The following WWOX variants were observed in gnomAD, a reference collection of about 807,000 sequenced individuals.
WWOX encodes the protein WW domain-containing oxidoreductase.
WWOX carries 69 observed loss-of-function variants against 46.2 expected under a neutral mutation model. That is an observed-to-expected ratio of 1.49 (90% confidence interval 1.23 to 1.82). WWOX has a LOEUF of 1.82. Ranked by LOEUF, WWOX falls within the 40% of genes most tolerant of loss-of-function variation. WWOX has a pLI of 0.00. For synonymous variants in WWOX, 359 were observed against 202.6 expected (o/e 1.77, Z -6.56); for missense variants, 919 against 542.6 (o/e 1.69, Z -6.89).
At chr16:78,454,431 A>T (rs12051377) in intron 8 of WWOX, among the ~76,000 whole-genome samples, 18,174 of 151,908 alleles carry the variant, frequency 0.12, 1,693 homozygotes, top group African/African-American at 0.25. Context: ...TTACAAAATG[A>T]TACTTTTATC....
intron 8 of WWOX, among the ~76,000 whole-genome samples, chr16:78,684,870 C>T (rs2047818864): frequency 6.6e-6 from 1 of 152,192 alleles, no homozygotes; most frequent in South Asian, 2.1e-4. Context: ...TAATTCATCA[C>T]TCCTTTTATA....
At chr16:78,623,829 T>A (rs548243369) in intron 8 of WWOX, among the ~76,000 whole-genome samples, 2 of 152,274 alleles carry the variant, frequency 1.3e-5, no homozygotes, top group Non-Finnish European at 2.9e-5. Context: ...CATACATTAC[T>A]GGGATTCATA....
intron 5 of WWOX, among the ~76,000 whole-genome samples, chr16:78,337,079 C>G (rs2080908998): frequency 6.6e-6 from 1 of 152,058 alleles, no homozygotes; most frequent in African/African-American, 2.4e-5. Context: ...GTGCACCTGA[C>G]CCTAGGATAA....
chr16:78,203,020 A>G (rs779937296), intron 5 of WWOX, among the ~76,000 whole-genome samples: 1 of 152,208 alleles, frequency 6.6e-6, no homozygotes, highest in Non-Finnish European at 1.5e-5. Flanking sequence ...AAGGGAATAG[A>G]ATTAGGCTGT....
At chr16:79,117,718 C>T (rs762555020) in intron 8 of WWOX, among the ~76,000 whole-genome samples, 1 of 152,262 alleles carries the variant, frequency 6.6e-6, no homozygotes, top group Non-Finnish European at 1.5e-5. Context: ...GCTTCTGCAT[C>T]AGCACTTGCT....
chr16:78,105,710 A>G (rs2032096266), intron 1 of WWOX, among the ~76,000 whole-genome samples: 1 of 152,220 alleles, frequency 6.6e-6, no homozygotes, highest in South Asian at 2.1e-4. Flanking sequence ...CTGAGGGCCC[A>G]GCTTCACCTT....
At chr16:78,602,793 A>C (rs936257232) in intron 8 of WWOX, among the ~76,000 whole-genome samples, 1 of 152,216 alleles carries the variant, frequency 6.6e-6, no homozygotes, top group Non-Finnish European at 1.5e-5. Context: ...GTTCCATTTA[A>C]GTCTGCTAAG....
At chr16:79,152,150 C>T (rs773855992) in intron 8 of WWOX, among the ~76,000 whole-genome samples, 2 of 152,166 alleles carry the variant, frequency 1.3e-5, no homozygotes, top group Admixed American at 6.5e-5. Flanking sequence ...TTGTTTCTGT[C>T]GGCACTGCCT....
chr16:78,418,295 TGGAGCTTGCA>T (rs1458370816), intron 6 of WWOX, among the ~76,000 whole-genome samples: 1 of 148,566 alleles, frequency 6.7e-6, no homozygotes, highest in African/African-American at 2.5e-5. Flanking sequence ...ACCCGGGAGG[TGGAGCTTGCA>T]GTGAGCCGAG....
chr16:78,655,101 A>C (rs2047051254), intron 8 of WWOX, among the ~76,000 whole-genome samples: 1 of 151,912 alleles, frequency 6.6e-6, no homozygotes, highest in Non-Finnish European at 1.5e-5. Context: ...GTCCTTATCA[A>C]CCGTATTTTA....
rs116279433 is a variant in WWOX, at chr16:78,762,341, C to G, written c.1056+329589C>G. 9.7e-3 allele frequency among the ~76,000 whole-genome samples: 1,477 copies of G among 152,260 alleles called. 23 individuals are homozygous for G. Among genetic ancestry groups the G allele is most frequent in the African/African-American group, 0.034 (1,419 of 41,528 alleles). On this transcript the variant is annotated intron_variant, in intron 8 of 8. Coordinates refer to ENST00000566780, the MANE Select transcript of WWOX (RefSeq NM_016373.4). ...CTTGCTGGAGGTACAGAATCTCAGG[C>G]CTGACTGACCCCAGGCCTGCTGAGT...
At chr16:78,539,777 A>G (rs929420600) in intron 8 of WWOX, among the ~76,000 whole-genome samples, 3 of 152,202 alleles carry the variant, frequency 2.0e-5, no homozygotes, top group African/African-American at 7.2e-5. Context: ...TAGATAATCT[A>G]ACACCAGCAA....
intron 8 of WWOX, among the ~76,000 whole-genome samples, chr16:78,726,540 A>T (rs1341070850): frequency 6.6e-6 from 1 of 150,464 alleles, no homozygotes; most frequent in Non-Finnish European, 1.5e-5. Flanking sequence ...AGCCTATCTT[A>T]ATTCAATACA....
chr16:79,091,919 C>G (rs2048969863), intron 8 of WWOX, among the ~76,000 whole-genome samples: 1 of 151,314 alleles, frequency 6.6e-6, no homozygotes, highest in East Asian at 2.0e-4. Context: ...TAGCTGGGAC[C>G]ACAGGTGCAT....
chr16:78,231,100 A>G (rs1185510652), intron 5 of WWOX, among the ~76,000 whole-genome samples: 1 of 152,224 alleles, frequency 6.6e-6, no homozygotes, highest in Non-Finnish European at 1.5e-5. Context: ...GCAGCTTGAC[A>G]TCACCCAACT....
intron 8 of WWOX, among the ~76,000 whole-genome samples, chr16:79,106,172 G>A (rs898806085): frequency 1.1e-4 from 16 of 152,170 alleles, no homozygotes; most frequent in East Asian, 1.9e-4. Flanking sequence ...GGGCCCAGCC[G>A]TCTATATTTC....
At chr16:78,643,227 G>C (rs2046762260) in intron 8 of WWOX, among the ~76,000 whole-genome samples, 1 of 152,216 alleles carries the variant, frequency 6.6e-6, no homozygotes, top group African/African-American at 2.4e-5. Context: ...AAAAGGACAC[G>C]TATGCCTAGA....
intron 8 of WWOX, among the ~76,000 whole-genome samples, chr16:79,208,318 C>T (rs1375152216): frequency 6.6e-6 from 1 of 152,102 alleles, no homozygotes; most frequent in Non-Finnish European, 1.5e-5. Context: ...ATAGACACCT[C>T]CCCCGTTTCC....
intron 5 of WWOX, among the ~76,000 whole-genome samples, chr16:78,303,339 C>A (rs2080075975): frequency 2.6e-5 from 4 of 152,052 alleles, no homozygotes; most frequent in Admixed American, 2.6e-4. Flanking sequence ...TAATCCCAGG[C>A]CTGATGCGCT....
Sources: allele counts gnomAD v4.1 joint callset (sites outside exome capture counted in the v4.1 genomes callset), GRCh38; gene constraint gnomAD v4.1.1; transcripts MANE v1.5; gene names NCBI Gene and HGNC (gene_info 2026-07-23, HGNC 2026-07-21).